Variants in FER1L5 observed in about 807,000 individuals in gnomAD.
FER1L5 encodes fer-1 like family member 5.
A neutral mutation model predicts 279.9 loss-of-function variants in FER1L5; 187 were observed. That is an observed-to-expected ratio of 0.67 (90% CI 0.59 to 0.75). The LOEUF is 0.75. Among genes scored for constraint, FER1L5 ranks in the 30% least tolerant of loss-of-function variants. The pLI, the probability that FER1L5 is intolerant of heterozygous loss-of-function variation, is 0.00. For missense variants in FER1L5, 2,091 were observed against 2,594.4 expected (o/e 0.81, Z 4.21); for synonymous variants, 921 against 989.7 (o/e 0.93, Z 1.30).
chr2:96,687,991 G>C, intron 24 of FER1L5, 44 bp downstream of exon 24: 3 of 1,547,562 alleles, frequency 1.9e-6, no homozygotes, highest in Non-Finnish European at 2.6e-6. Context: ...GGCACGCGGG[G>C]GTGGGGGTAG....
At chr2:96,676,459 G>T (rs1207965200) in intron 19 of FER1L5, among the ~76,000 whole-genome samples, 1 of 152,136 alleles carries the variant, frequency 6.6e-6, no homozygotes, top group African/African-American at 2.4e-5. Flanking sequence ...GAGCCGCTGG[G>T]CCCGGCCTAG....
At chr2:96,668,375 T>G (rs1404593664) in intron 14 of FER1L5, among the ~76,000 whole-genome samples, 1 of 150,396 alleles carries the variant, frequency 6.6e-6, no homozygotes, top group African/African-American at 2.5e-5. Context: ...AAAAAAAAAA[T>G]TGTTTTTAAT....
At chr2:96,668,373 A>C (rs2076204698) in intron 14 of FER1L5, among the ~76,000 whole-genome samples, 2 of 152,152 alleles carry the variant, frequency 1.3e-5, no homozygotes, top group Non-Finnish European at 2.9e-5. Context: ...AAAAAAAAAA[A>C]ATTGTTTTTA....
At position 96,691,433 on chromosome 2, in the gene FER1L5, T is replaced by TC. The variant is rs1299203943; in HGVS notation, c.2908-8dup. Reference sequence around the variant, plus strand: ...CTGCAGGAACACAACCCTGCTCTCCTCCCCACCACAGGGCCTGGCCAAGGG... The same window carrying TC: ...CTGCAGGAACACAACCCTGCTCTCCTCCCCCACCACAGGGCCTGGCCAAGGG... On this transcript the variant is annotated splice_polypyrimidine_tract_variant and intron_variant, in intron 28 of 52. Transcript: ENST00000624922. This position sits in a 1 kb window ranked among gnomAD's most constrained non-coding sequence, Gnocchi z 6.0. 1.2e-5 allele frequency: 18 copies of TC among 1,535,226 alleles called. No homozygotes were observed. The highest frequency in any genetic ancestry group is 1.7e-4 in the Middle Eastern group (1 of 5,936).
intron 8 of FER1L5, chr2:96,654,022 C>A: frequency 2.5e-6 from 1 of 398,824 alleles, no homozygotes; most frequent in Non-Finnish European, 4.5e-6. Flanking sequence ...CAAAGGGAGC[C>A]AGTAACAATG....
chr2:96,644,527 A>C (rs1384621841), intron 1 of FER1L5, among the ~76,000 whole-genome samples: 1 of 152,056 alleles, frequency 6.6e-6, no homozygotes, highest in Non-Finnish European at 1.5e-5. Context: ...AGTGTAGAGA[A>C]AAGAGAAAAA....
Position 96,649,641 on chromosome 2 carries a change from G to T in FER1L5, c.358G>T (p.Val120Leu). The T allele has an allele frequency of 6.4e-7, 1 of 1,551,510 alleles. No individual in the cohort carries two copies. Among genetic ancestry groups the T allele is most frequent in the East Asian group, 2.4e-5 (1 of 40,930 alleles). Residue 120 changes from valine to leucine, a missense_variant, in exon 5 of 53, where the codon GTG becomes TTG. By Grantham distance (32) the Val-to-Leu change is conservative. Transcript: ENST00000624922. ...CTTGCAGTGTACTGTCACCCTACAGGTGGCCCACATGAGCAACCAGGATAT... is the reference window on the plus strand; with the variant it reads ...CTTGCAGTGTACTGTCACCCTACAGTTGGCCCACATGAGCAACCAGGATAT... ...KPTDCTVTLQ[V>L]AHMSNQDIEK...
chr2:96,675,709 G>A (rs1276080209), intron 19 of FER1L5, among the ~76,000 whole-genome samples: 1 of 152,226 alleles, frequency 6.6e-6, no homozygotes, highest in African/African-American at 2.4e-5. Context: ...TTACAGGCGT[G>A]AGACACTGTG....
At chr2:96,643,468 C>T (rs1309301020) in intron 1 of FER1L5, among the ~76,000 whole-genome samples, 2 of 152,108 alleles carry the variant, frequency 1.3e-5, no homozygotes, top group South Asian at 2.1e-4. Context: ...TCCTGCCTCA[C>T]CCTCCGAAGT....
At chr2:96,643,436 G>C (rs1309149486) in intron 1 of FER1L5, among the ~76,000 whole-genome samples, 2 of 149,778 alleles carry the variant, frequency 1.3e-5, no homozygotes. Context: ...TGCAACCTCT[G>C]CCTCCCAGGT....
intron 9 of FER1L5, among the ~76,000 whole-genome samples, chr2:96,656,012 C>T (rs773744327): frequency 1.3e-5 from 2 of 152,174 alleles, no homozygotes; most frequent in African/African-American, 4.8e-5. Flanking sequence ...CACACCCAGC[C>T]GAGCTTATTT....
intron 21 of FER1L5, 87 bp from the exon 22 acceptor site, chr2:96,685,853 G>A: frequency 1.4e-6 from 2 of 1,431,106 alleles, no homozygotes; most frequent in South Asian, 3.0e-5. Context: ...AGGCCAGGAG[G>A]GGCACGCTGG....
At chr2:96,675,375 T>C (rs530297001) in intron 19 of FER1L5, among the ~76,000 whole-genome samples, 1 of 152,308 alleles carries the variant, frequency 6.6e-6, no homozygotes, top group Non-Finnish European at 1.5e-5. Flanking sequence ...TTCCTATTAC[T>C]CTACCTTCTC....
chr2:96,660,483 G>A (rs756488787), intron 10 of FER1L5, 112 bp downstream of exon 10: 1 of 900,246 alleles, frequency 1.1e-6, no homozygotes, highest in African/African-American at 1.7e-5. Context: ...GAGTATTAGA[G>A]ATTGTAAATT....
In FER1L5 at chr2:96,690,730, C is replaced by G. The variant is rs140973770; in HGVS notation, c.2743+141C>G. The G allele has an allele frequency of 5.7e-6, 4 of 701,512 alleles. No individual in the cohort carries two copies. The East Asian group carries it at 1.1e-4, about 19-fold the overall frequency. 43.5% of individuals were successfully genotyped at this position (701,512 alleles called of 1,614,324 possible). On this transcript the variant is annotated intron_variant, in intron 27 of 52. Coordinates refer to ENST00000624922, the MANE Select transcript of FER1L5 (RefSeq NM_001293083.2). ...GGCCCCCTGGCCTCCAGAGCTGGGT[C>G]TCCAGCGTTTCCTTACACATAGGCC...
intron 1 of FER1L5, 73 bp from the exon 2 acceptor site, chr2:96,646,328 C>G: frequency 3.3e-6 from 5 of 1,502,336 alleles, no homozygotes; most frequent in Non-Finnish European, 4.5e-6. Flanking sequence ...TGTCCTACTT[C>G]TCTTTACCCC....
At chr2:96,693,854 G>A (rs915660533) in intron 32 of FER1L5, 57 bp from the exon 33 acceptor site, 4 of 1,495,722 alleles carry the variant, frequency 2.7e-6, no homozygotes, top group Non-Finnish European at 3.6e-6. Context: ...GAGAAGCCCA[G>A]ACAGAGCTGG....
chr2:96,697,638 G>A (rs868500245), intron 38 of FER1L5, 22 bp from the exon 39 acceptor site: 2 of 1,613,998 alleles, frequency 1.2e-6, no homozygotes, highest in Non-Finnish European at 1.7e-6. Flanking sequence ...CCCGAGGCCA[G>A]AATGATCCTC....
chr2:96,661,522 C>A, intron 11 of FER1L5, 82 bp downstream of exon 11: 1 of 1,503,996 alleles, frequency 6.6e-7, no homozygotes, highest in South Asian at 1.2e-5. Context: ...GGATATTGAC[C>A]ATCACATCTC....
Sources: gnomAD v4.1 joint callset for allele counts (sites outside exome capture counted in the v4.1 genomes callset) on GRCh38, gnomAD v4.1.1 for gene constraint, Gnocchi (gnomAD v3.1) non-coding constraint, MANE v1.5 for transcripts, NCBI Gene and HGNC (gene_info 2026-07-23, HGNC 2026-07-21) for gene names.